The following DHRSX variants were observed in gnomAD, a reference collection of about 807,000 sequenced individuals.
DHRSX encodes polyprenol dehydrogenase.
A neutral mutation model predicts 34.0 loss-of-function variants in DHRSX; 31 were observed. The ratio of observed to expected loss-of-function variants is 0.91; its 90% CI spans 0.69 to 1.23. The LOEUF (loss-of-function observed/expected upper bound fraction) is 1.23. Ranked by LOEUF, DHRSX falls within the 50% of genes most tolerant of loss-of-function variation. DHRSX has a pLI of 0.00. For synonymous variants in DHRSX, 201 were observed against 183.8 expected (o/e 1.09, Z -0.76); for missense variants, 414 against 428.1 (o/e 0.97, Z 0.29).
chrX:2,245,599 C>T (rs781415732), intron 5 of DHRSX, among the ~76,000 whole-genome samples: 31 of 150,692 alleles, frequency 2.1e-4, no homozygotes, highest in Admixed American at 1.6e-3. Flanking sequence ...CGTGAGCCAC[C>T]GCACCCACCC....
chrX:2,430,132 G>A (rs1045555221), intron 1 of DHRSX, among the ~76,000 whole-genome samples: 7 of 151,812 alleles, frequency 4.6e-5, no homozygotes, highest in African/African-American at 1.2e-4. Flanking sequence ...AGATGCCCTC[G>A]GGTCTCGGTG....
intron 2 of DHRSX, among the ~76,000 whole-genome samples, chrX:2,417,485 A>T (rs1442983304): frequency 1.3e-5 from 2 of 151,944 alleles, no homozygotes; most frequent in African/African-American, 4.8e-5. Flanking sequence ...ACCTAATCCA[A>T]CTAGACCTTA....
At chrX:2,359,506 C>T (rs1352006247) in intron 3 of DHRSX, among the ~76,000 whole-genome samples, 4 of 151,912 alleles carry the variant, frequency 2.6e-5, no homozygotes, top group Non-Finnish European at 5.9e-5. Flanking sequence ...GGTGAAACCC[C>T]GTCTCTACTA....
intron 3 of DHRSX, among the ~76,000 whole-genome samples, chrX:2,299,920 C>T (rs372059052): frequency 6.6e-6 from 1 of 151,638 alleles, no homozygotes; most frequent in African/African-American, 2.4e-5. Context: ...TTCCTGAGGG[C>T]AAGTCAGAAA....
chrX:2,330,272 T>A (rs1431194200), intron 3 of DHRSX, among the ~76,000 whole-genome samples: 2 of 151,152 alleles, frequency 1.3e-5, no homozygotes, highest in Non-Finnish European at 3.0e-5. Context: ...CCTGTAATCC[T>A]AGCACTTTGG....
At chrX:2,400,390 C>T (rs2043471358) in intron 3 of DHRSX, among the ~76,000 whole-genome samples, 1 of 152,156 alleles carries the variant, frequency 6.6e-6, no homozygotes, top group African/African-American at 2.4e-5. Flanking sequence ...TGTCTTCTTG[C>T]CCCAAGATAT....
intron 6 of DHRSX, among the ~76,000 whole-genome samples, chrX:2,233,889 C>G (rs771268401): frequency 6.6e-6 from 1 of 152,250 alleles, no homozygotes; most frequent in South Asian, 2.1e-4. Flanking sequence ...TTACACAGAG[C>G]TTTACAGTGG....
chrX:2,307,869 C>T (rs907984810), intron 3 of DHRSX, among the ~76,000 whole-genome samples: 3 of 151,724 alleles, frequency 2.0e-5, no homozygotes, highest in Admixed American at 2.0e-4. Context: ...CCAGGGTGAT[C>T]TGCGCATAGG....
intron 1 of DHRSX, among the ~76,000 whole-genome samples, chrX:2,438,805 A>G (rs1405945827): frequency 6.6e-6 from 1 of 152,018 alleles, no homozygotes; most frequent in Non-Finnish European, 1.5e-5. Flanking sequence ...ACACATACAT[A>G]TATATGCATT....
rs748405218 is a variant in DHRSX at position 2,321,220 on chromosome X, G to A, written c.287-29617C>T. Among the ~76,000 whole-genome samples the A allele has an allele frequency of 1.1e-4, 16 of 152,256 alleles. No individual in the cohort carries two copies. The South Asian group carries it at 1.7e-3, about 16-fold the overall frequency. On this transcript the variant is annotated intron_variant, in intron 3 of 6. Transcript: ENST00000334651. ...ACTGCTGCCAAAGAGCTTGATGGGCGATGATGATCCGATTTCGCCATGGCA... is the reference window on the plus strand; with the variant it reads ...ACTGCTGCCAAAGAGCTTGATGGGCAATGATGATCCGATTTCGCCATGGCA...
chrX:2,261,174 C>T (rs2041358620), intron 5 of DHRSX, among the ~76,000 whole-genome samples: 1 of 152,066 alleles, frequency 6.6e-6, no homozygotes, highest in South Asian at 2.1e-4. Context: ...AGCACCACTG[C>T]ACTCCAGCCT....
chrX:2,290,336 A>G (rs2041851593), intron 4 of DHRSX, among the ~76,000 whole-genome samples: 1 of 152,234 alleles, frequency 6.6e-6, no homozygotes, highest in Non-Finnish European at 1.5e-5. Flanking sequence ...TGGCAGCTGG[A>G]AACAGACAGG....
chrX:2,448,434 A>G (rs1157000633), intron 1 of DHRSX, among the ~76,000 whole-genome samples: 1 of 152,122 alleles, frequency 6.6e-6, no homozygotes, highest in Non-Finnish European at 1.5e-5. Flanking sequence ...AATACATCGC[A>G]TCTTTCAAAA....
intron 6 of DHRSX, among the ~76,000 whole-genome samples, chrX:2,241,239 T>C (rs1260315077): frequency 6.6e-6 from 1 of 152,100 alleles, no homozygotes; most frequent in African/African-American, 2.4e-5. Context: ...CTTGCAGTGC[T>C]TAAGAAGTTA....
chrX:2,290,279 A>C (rs2041850706), intron 4 of DHRSX, among the ~76,000 whole-genome samples: 1 of 152,110 alleles, frequency 6.6e-6, no homozygotes, highest in African/African-American at 2.4e-5. Context: ...AACACGAAAC[A>C]CATCAAGACA....
chrX:2,231,675 CCTCTTTT>C (rs2015887032), intron 6 of DHRSX, among the ~76,000 whole-genome samples: 1 of 146,166 alleles, frequency 6.8e-6, no homozygotes, highest in African/African-American at 2.6e-5. Context: ...TTTTCTTTCT[CCTCTTTT>C]CTCTTCTTGC....
intron 3 of DHRSX, among the ~76,000 whole-genome samples, chrX:2,349,076 T>C (rs777874686): frequency 1.3e-5 from 2 of 152,020 alleles, no homozygotes; most frequent in South Asian, 2.1e-4. Context: ...AATGGGTGAA[T>C]ACAGTAAATG....
chrX:2,426,255 A>C (rs1426225396), intron 1 of DHRSX, among the ~76,000 whole-genome samples: 1 of 152,150 alleles, frequency 6.6e-6, no homozygotes, highest in African/African-American at 2.4e-5. Flanking sequence ...TGCAGATAGC[A>C]TCTCACTTGA....
intron 3 of DHRSX, among the ~76,000 whole-genome samples, chrX:2,298,329 T>TTTG (rs1556456940): frequency 2.2e-4 from 33 of 151,018 alleles, no homozygotes; most frequent in Non-Finnish European, 4.0e-4. Context: ...TTTTTTTTTT[T>TTTG]TTGTTAGTTC....
Sources: gnomAD v4.1 joint callset for allele counts (sites outside exome capture counted in the v4.1 genomes callset) on GRCh38, gnomAD v4.1.1 for gene constraint, MANE v1.5 for transcripts, NCBI Gene and HGNC (gene_info 2026-07-23, HGNC 2026-07-21) for gene names.